The following TTC23 variants were observed in gnomAD, a reference collection of about 807,000 sequenced individuals.
TTC23 encodes tetratricopeptide repeat domain 23.
In TTC23, 58 loss-of-function variants were observed where a neutral mutation model predicts 55.1. That is an observed-to-expected ratio of 1.05 (90% CI 0.85 to 1.31). The LOEUF (loss-of-function observed/expected upper bound fraction) is 1.31, where lower values mean the gene tolerates loss of function less well. Ranked by LOEUF, TTC23 falls within the 50% of genes most tolerant of loss-of-function variation. TTC23 has a pLI of 0.00. For missense variants in TTC23, 516 were observed against 534.4 expected, an observed-to-expected ratio of 0.97 and a Z score of 0.34; for synonymous variants, 203 against 199.9, an observed-to-expected ratio of 1.02 and a Z score of -0.13.
At chr15:99,147,783 A>C (rs1555494688) in intron 12 of TTC23, among the ~76,000 whole-genome samples, 1 of 152,124 alleles carries the variant, frequency 6.6e-6, no homozygotes, top group African/African-American at 2.4e-5. Context: ...GATCAAGGAC[A>C]AATGAGGCTC....
At chr15:99,178,324 C>T (rs2073797478) in intron 9 of TTC23, among the ~76,000 whole-genome samples, 1 of 152,152 alleles carries the variant, frequency 6.6e-6, no homozygotes, top group Admixed American at 6.5e-5. Context: ...GAAACTCAAT[C>T]CCTAATGTAA....
chr15:99,218,693 T>C lies in TTC23; in HGVS notation c.476A>G (p.Asn159Ser), dbSNP rs1480717816. 1.2e-6 allele frequency: 2 copies of C among 1,614,182 alleles called. No individual in the cohort carries two copies. Among genetic ancestry groups the C allele is most frequent in the Non-Finnish European group, 8.5e-7 (1 of 1,180,042 alleles). Residue 159 changes from asparagine to serine, a missense_variant, in exon 8 of 14, where the codon AAT (asparagine) becomes AGT (serine). Physicochemically the swap from Asn to Ser is conservative, Grantham distance 46 (BLOSUM62 1). Transcript: ENST00000394132. The part of the protein sequence containing the change: ...SLQKFKEAAE[N>S]LTKAERLSKE... ...TGAAAGTCTCTCTGCTTTTGTCAAA[T>C]TCTCTGCAGCTTCCTTAAATCTGAA...
intron 2 of TTC23, among the ~76,000 whole-genome samples, chr15:99,243,188 GCAAAAGATCTGAATAGACATTT>G (rs2079955791): frequency 6.6e-6 from 1 of 152,124 alleles, no homozygotes; most frequent in African/African-American, 2.4e-5. Flanking sequence ...TAAAAAGTGA[GCAAAAGATCTGAATAGACATTT>G]CTCAAAAGAC....
chr15:99,222,710 G>C (rs2078047933), intron 5 of TTC23, among the ~76,000 whole-genome samples: 1 of 152,094 alleles, frequency 6.6e-6, no homozygotes, highest in African/African-American at 2.4e-5. Context: ...TTAAAACACG[G>C]TTCCAGGCTG....
At chr15:99,183,187 T>A (rs925383345) in intron 9 of TTC23, among the ~76,000 whole-genome samples, 3 of 152,196 alleles carry the variant, frequency 2.0e-5, no homozygotes, top group Non-Finnish European at 4.4e-5. Flanking sequence ...AGGAATTTGC[T>A]GGGAACTGGA....
At position 99,221,958 on chromosome 15, in the gene TTC23, G is replaced by T. The variant is rs2077972924; in HGVS notation, c.181-94C>A. Reference sequence around the variant, plus strand: ...CTTTTATATCCCTTTGATAAATACTGAGTGACTACTATGTGCAAAACATTG... The same window carrying T: ...CTTTTATATCCCTTTGATAAATACTTAGTGACTACTATGTGCAAAACATTG... On this transcript the variant is annotated intron_variant, in intron 5 of 13. Coordinates refer to ENST00000394132, the MANE Select transcript of TTC23 (RefSeq NM_001288615.3). 4.3e-6 allele frequency: 6 copies of T among 1,402,490 alleles called. No individual in the cohort carries two copies. The East Asian group carries it at 9.6e-5, about 22-fold the overall frequency. The allele number at this position is 1,402,490 out of a possible 1,614,324, so 86.9% of individuals were successfully genotyped here.
chr15:99,145,182 C>T (rs868936864), intron 12 of TTC23: 8 of 152,322 alleles, frequency 5.3e-5, no homozygotes, highest in South Asian at 4.1e-4. Context: ...GCTGGACCCA[C>T]GTCTTTGTCC....
chr15:99,146,594 C>A (rs2068889009), intron 12 of TTC23, among the ~76,000 whole-genome samples: 1 of 152,252 alleles, frequency 6.6e-6, no homozygotes, highest in South Asian at 2.1e-4. Context: ...CAGTTCTGCA[C>A]CTCTCCAGAC....
chr15:99,225,865 C>T (rs904173334), intron 5 of TTC23, among the ~76,000 whole-genome samples: 1 of 152,298 alleles, frequency 6.6e-6, no homozygotes, highest in African/African-American at 2.4e-5. Context: ...CAGACAGCAC[C>T]TTAACCAAGT....
At chr15:99,173,228 C>T (rs554702903) in intron 10 of TTC23, among the ~76,000 whole-genome samples, 32 of 152,318 alleles carry the variant, frequency 2.1e-4, no homozygotes, top group Non-Finnish European at 4.0e-4. Context: ...TCAAAAGTCA[C>T]GGATCCAGCC....
intron 9 of TTC23, among the ~76,000 whole-genome samples, chr15:99,193,750 A>G (rs1488973560): frequency 6.6e-6 from 1 of 152,114 alleles, no homozygotes; most frequent in Non-Finnish European, 1.5e-5. Context: ...GCTCACACCT[A>G]TAATCCCAGA....
At chr15:99,168,049 A>G (rs1045609473) in intron 10 of TTC23, among the ~76,000 whole-genome samples, 32 of 152,116 alleles carry the variant, frequency 2.1e-4, no homozygotes, top group Admixed American at 7.9e-4. Flanking sequence ...AGAACACATA[A>G]AGCCCGGAAG....
At chr15:99,176,892 G>A (rs1027237348) in intron 9 of TTC23, among the ~76,000 whole-genome samples, 6 of 152,086 alleles carry the variant, frequency 3.9e-5, no homozygotes, top group Admixed American at 6.5e-5. Context: ...CCTGAGTGCT[G>A]CCATTCCCCC....
intron 6 of TTC23, among the ~76,000 whole-genome samples, chr15:99,219,779 A>G (rs1173750971): frequency 3.9e-5 from 6 of 152,148 alleles, no homozygotes; most frequent in South Asian, 2.1e-4. Flanking sequence ...CCTCCCCTAC[A>G]CCGACAACCA....
intron 9 of TTC23, among the ~76,000 whole-genome samples, chr15:99,180,178 A>G (rs1364808256): frequency 1.3e-5 from 2 of 152,052 alleles, no homozygotes; most frequent in Non-Finnish European, 2.9e-5. Flanking sequence ...ATTTCCCCTC[A>G]TGTCTTTTGT....
chr15:99,244,056 A>G (rs1403191717), intron 2 of TTC23, among the ~76,000 whole-genome samples: 4 of 152,224 alleles, frequency 2.6e-5, no homozygotes, highest in African/African-American at 4.8e-5. Flanking sequence ...ATTACTATAC[A>G]TTGTATGCCT....
chr15:99,199,284 G>A (rs930638293), intron 9 of TTC23, among the ~76,000 whole-genome samples: 1 of 151,756 alleles, frequency 6.6e-6, no homozygotes, highest in African/African-American at 2.4e-5. Flanking sequence ...TTCCTTAAGA[G>A]AGGCCGGACC....
chr15:99,226,657 G>T (rs1223953), intron 5 of TTC23, among the ~76,000 whole-genome samples: 1 of 152,074 alleles, frequency 6.6e-6, no homozygotes, highest in African/African-American at 2.4e-5. Flanking sequence ...CCTTGCTTCA[G>T]ATATGTCCTG....
At chr15:99,149,687 A>G (rs1157240328) in intron 12 of TTC23, among the ~76,000 whole-genome samples, 1 of 152,228 alleles carries the variant, frequency 6.6e-6, no homozygotes, top group Non-Finnish European at 1.5e-5. Flanking sequence ...CTGCCCACAG[A>G]CCACTGGCTT....
Sources: gnomAD v4.1 joint callset for allele counts (sites outside exome capture counted in the v4.1 genomes callset) on GRCh38, gnomAD v4.1.1 for gene constraint, MANE v1.5 for transcripts, NCBI Gene and HGNC (gene_info 2026-07-23, HGNC 2026-07-21) for gene names.